The following C8orf34 variants were observed in gnomAD, a reference collection of about 807,000 sequenced individuals.
The protein encoded by C8orf34 is uncharacterized protein C8orf34.
A neutral mutation model predicts 68.3 loss-of-function variants in C8orf34; 65 were observed. The ratio of observed to expected loss-of-function variants is 0.95; its 90% CI spans 0.78 to 1.17. The LOEUF (loss-of-function observed/expected upper bound fraction) is 1.17. Among genes scored for constraint, C8orf34 ranks in the 50% most tolerant of loss-of-function variants. The pLI is 0.00. For synonymous variants in C8orf34, 244 were observed against 241.2 expected, an observed-to-expected ratio of 1.01 and a Z score of -0.11; for missense variants, 664 against 655.4, an observed-to-expected ratio of 1.01 and a Z score of -0.14.
intron 7 of C8orf34, among the ~76,000 whole-genome samples, chr8:68,580,568 T>C (rs1817034058): frequency 6.6e-6 from 1 of 152,098 alleles, no homozygotes; most frequent in African/African-American, 2.4e-5. Flanking sequence ...CTGTAACAAG[T>C]AGATTGCAGT....
intron 7 of C8orf34, among the ~76,000 whole-genome samples, chr8:68,540,388 G>GA (rs1442445233): frequency 1.3e-5 from 2 of 151,114 alleles, no homozygotes; most frequent in African/African-American, 4.9e-5. Context: ...CTTAATGACA[G>GA]AAAAAATTTC....
intron 10 of C8orf34, among the ~76,000 whole-genome samples, chr8:68,734,360 G>A (rs554791354): frequency 6.6e-6 from 1 of 152,224 alleles, no homozygotes; most frequent in African/African-American, 2.4e-5. Flanking sequence ...ACCTCTGCCA[G>A]GGGTGCATTT....
intron 1 of C8orf34, among the ~76,000 whole-genome samples, chr8:68,435,339 A>T (rs935982056): frequency 1.3e-5 from 2 of 152,088 alleles, no homozygotes; most frequent in Admixed American, 1.3e-4. Context: ...AGGGTTTATT[A>T]AAAATGGGTT....
chr8:68,623,544 G>GT (rs1818448444), intron 7 of C8orf34, among the ~76,000 whole-genome samples: 1 of 152,130 alleles, frequency 6.6e-6, no homozygotes, highest in African/African-American at 2.4e-5. Context: ...AAAATAAGGT[G>GT]TAACATTTGA....
Position 68,629,520 on chromosome 8 carries a change from T to A in C8orf34, c.1106-10856T>A, listed in dbSNP as rs1036513155. On this transcript the variant is annotated intron_variant, in intron 7 of 13. Transcript: ENST00000518698. ...TGGCTGTTTAGTGCAACAAATGTAT[T>A]CCTCCAAAAACTAACATTCCAAAAG... is the stretch of plus-strand genomic sequence containing the variant. 5.3e-5 allele frequency among the ~76,000 whole-genome samples: 8 copies of A among 152,272 alleles called. No homozygotes were observed. The South Asian group carries it at 1.7e-3, about 32-fold the overall frequency.
chr8:68,469,900 AATT>A (rs1812308774), intron 4 of C8orf34, among the ~76,000 whole-genome samples: 1 of 150,680 alleles, frequency 6.6e-6, no homozygotes, highest in Admixed American at 6.7e-5. Context: ...TTATATATGT[AATT>A]ATAATTATAC....
chr8:68,413,336 C>G (rs1319666405), intron 1 of C8orf34, among the ~76,000 whole-genome samples: 2 of 152,202 alleles, frequency 1.3e-5, no homozygotes, highest in Admixed American at 1.3e-4. Context: ...AACTGCAGAG[C>G]AGAAGTATCT....
intron 7 of C8orf34, among the ~76,000 whole-genome samples, chr8:68,616,615 A>T (rs1207875432): frequency 6.6e-6 from 1 of 152,102 alleles, no homozygotes; most frequent in Non-Finnish European, 1.5e-5. Context: ...TGAGTTTCTT[A>T]ATCCTGAGTT....
chr8:68,635,040 A>G (rs1305479955), intron 7 of C8orf34, among the ~76,000 whole-genome samples: 1 of 152,156 alleles, frequency 6.6e-6, no homozygotes, highest in Non-Finnish European at 1.5e-5. Context: ...TGGAAAAAAG[A>G]GGTGCTATCC....
intron 5 of C8orf34, among the ~76,000 whole-genome samples, chr8:68,516,989 A>C (rs1294180951): frequency 1.3e-5 from 2 of 152,082 alleles, no homozygotes; most frequent in Non-Finnish European, 1.5e-5. Context: ...GTCAAAACCT[A>C]GGGACCTCTA....
rs1372836044 is a variant in C8orf34, at chr8:68,520,538, C to T, written c.766-1261C>T. On this transcript the variant is annotated intron_variant, in intron 5 of 13. Coordinates refer to ENST00000518698, the MANE Select transcript of C8orf34 (RefSeq NM_052958.4). ...CGATCTCGGCTCACTGCAAGCTCCA[C>T]CTCCCGGGTTCACACCATTCTCCTG... Among the ~76,000 whole-genome samples, 4 of 152,214 alleles carry T rather than the reference C, an allele frequency of 2.6e-5. No homozygotes were observed. The East Asian group carries it at 7.7e-4, about 29-fold the overall frequency.
intron 12 of C8orf34, among the ~76,000 whole-genome samples, chr8:68,799,590 T>A (rs769034472): frequency 2.0e-5 from 3 of 152,120 alleles, no homozygotes; most frequent in Non-Finnish European, 4.4e-5. Context: ...TTCCAATGAG[T>A]CTCATAAACC....
chr8:68,802,048 A>G (rs1382251929), intron 12 of C8orf34, among the ~76,000 whole-genome samples: 1 of 152,158 alleles, frequency 6.6e-6, no homozygotes, highest in Non-Finnish European at 1.5e-5. Flanking sequence ...CTTTAGCATT[A>G]TATTATAAAT....
chr8:68,756,035 C>G (rs1032035591), intron 10 of C8orf34, among the ~76,000 whole-genome samples: 2 of 151,674 alleles, frequency 1.3e-5, no homozygotes, highest in African/African-American at 4.9e-5. Flanking sequence ...CCACTGCACT[C>G]CAGCCTGGGC....
chr8:68,410,201 T>C (rs1359267130), intron 1 of C8orf34, among the ~76,000 whole-genome samples: 2 of 152,150 alleles, frequency 1.3e-5, no homozygotes, highest in Admixed American at 6.5e-5. Flanking sequence ...ATTTGAAGTC[T>C]TCCTTGACTG....
chr8:68,582,066 C>G (rs1817082014), intron 7 of C8orf34, among the ~76,000 whole-genome samples: 1 of 152,100 alleles, frequency 6.6e-6, no homozygotes. Context: ...ACAGCTGGCA[C>G]TCCTATAACA....
At chr8:68,732,126 G>A (rs1283147439) in intron 10 of C8orf34, among the ~76,000 whole-genome samples, 1 of 152,220 alleles carries the variant, frequency 6.6e-6, no homozygotes, top group Non-Finnish European at 1.5e-5. Context: ...CACAGTCAGT[G>A]TCTCAATGTT....
At chr8:68,503,686 C>CT (rs538748605) in intron 5 of C8orf34, among the ~76,000 whole-genome samples, 5,968 of 135,120 alleles carry the variant, frequency 0.044, 138 homozygotes, top group African/African-American at 0.061. Flanking sequence ...TTTTCTTTTT[C>CT]TTTTTTTTTT....
At chr8:68,575,015 C>T (rs1816861258) in intron 7 of C8orf34, among the ~76,000 whole-genome samples, 1 of 151,508 alleles carries the variant, frequency 6.6e-6, no homozygotes, top group Admixed American at 6.6e-5. Context: ...ATATTAATGC[C>T]ATGGCTAGAA....
Sources: gnomAD v4.1 joint callset for allele counts (sites outside exome capture counted in the v4.1 genomes callset) on GRCh38, gnomAD v4.1.1 for gene constraint, MANE v1.5 for transcripts, NCBI Gene and HGNC (gene_info 2026-07-23, HGNC 2026-07-21) for gene names.